Variants in FYB1 observed in about 807,000 individuals in gnomAD.
FYB1 encodes the protein FYN-binding protein 1.
A neutral mutation model predicts 94.1 loss-of-function variants in FYB1; 41 were observed. The observed-to-expected ratio is 0.44, with a 90% CI of 0.34 to 0.57. The LOEUF (loss-of-function observed/expected upper bound fraction) is 0.57. FYB1 is among the 20% of genes least tolerant of loss of function. FYB1 has a pLI of 0.02. For missense variants in FYB1, 1,050 were observed against 976.8 expected, an observed-to-expected ratio of 1.07 and a Z score of -1.00; for synonymous variants, 367 against 353.2, an observed-to-expected ratio of 1.04 and a Z score of -0.44.
rs555173792 is a variant in FYB1 at position 39,246,887 on chromosome 5, C to A, written c.-28+27516G>T. ...GAGGGTTAGAGCCTGGGCTTTGGAG[C>A]CAGGCTGCCTGGGTTTGGACTTCAA... is the stretch of plus-strand genomic sequence containing the variant. On this transcript the variant is annotated intron_variant, in intron 1 of 1. Coordinates refer to the FYB1 transcript ENST00000510188. 9.3e-4 allele frequency among the ~76,000 whole-genome samples: 141 copies of A among 151,884 alleles called. 3 individuals carry two copies. Among genetic ancestry groups the A allele is most frequent in the African/African-American group, 3.2e-3 (132 of 41,450 alleles).
chr5:39,201,624 G>A (rs1748319167), intron 2 of FYB1, among the ~76,000 whole-genome samples: 1 of 151,996 alleles, frequency 6.6e-6, no homozygotes, highest in Admixed American at 6.6e-5. Context: ...AGCTGACCAA[G>A]GCATTTTCTC....
chr5:39,129,198 T>C (rs1740955033), intron 10 of FYB1, among the ~76,000 whole-genome samples: 1 of 151,736 alleles, frequency 6.6e-6, no homozygotes, highest in Non-Finnish European at 1.5e-5. Context: ...ACCAAGAACA[T>C]ACACTGGGGA....
intron 1 of FYB1, among the ~76,000 whole-genome samples, chr5:39,243,353 A>G (rs532095713): frequency 7.3e-5 from 11 of 151,650 alleles, no homozygotes; most frequent in African/African-American, 2.4e-4. Context: ...TCAGCTTTCT[A>G]CATATGGCTA....
rs145567508 is a variant in FYB1, at chr5:39,229,461, A to G, written c.-27-26474T>C. On this transcript the variant is annotated intron_variant, in intron 1 of 1. Coordinates refer to the FYB1 transcript ENST00000510188. ...ACTCACCTGAACTGTGTCCATTTCC[A>G]GAATTAGTTGAAACTCTAAACTCCT... Among the ~76,000 whole-genome samples, 1,213 of 152,318 alleles carry G rather than the reference A, an allele frequency of 8.0e-3. 21 individuals carry two copies. The highest frequency in any genetic ancestry group is 0.028 in the African/African-American group (1,151 of 41,582).
chr5:39,170,237 TG>T, intron 2 of FYB1: 2 of 957,188 alleles, frequency 2.1e-6, no homozygotes, highest in Non-Finnish European at 1.6e-6. Context: ...ATGTTGCTGG[TG>T]GTGGTGTCTT....
chr5:39,224,492 A>C (rs530338232), upstream of FYB1, among the ~76,000 whole-genome samples: 1 of 152,134 alleles, frequency 6.6e-6, no homozygotes, highest in Non-Finnish European at 1.5e-5. Flanking sequence ...CTGCCAACAT[A>C]TATTGACTTG....
chr5:39,200,335 C>T (rs1337646496), intron 2 of FYB1, among the ~76,000 whole-genome samples: 1 of 152,170 alleles, frequency 6.6e-6, no homozygotes, highest in Non-Finnish European at 1.5e-5. Context: ...TGTGTTACCA[C>T]CATGCTCTGC....
upstream of FYB1, among the ~76,000 whole-genome samples, chr5:39,222,294 C>A (rs1051677016): frequency 6.6e-6 from 1 of 152,096 alleles, no homozygotes; most frequent in African/African-American, 2.4e-5. Flanking sequence ...TAAGGGTTGG[C>A]GGTAACTGTG....
rs545643884 is a variant in FYB1, at chr5:39,265,246, C to A, written c.-28+9157G>T. Among the ~76,000 whole-genome samples, 148 of 152,154 alleles carry A rather than the reference C, an allele frequency of 9.7e-4. 2 individuals carry two copies. Among genetic ancestry groups the A allele is most frequent in the African/African-American group, 3.4e-3 (140 of 41,496 alleles). On this transcript the variant is annotated intron_variant, in intron 1 of 1. Coordinates refer to the FYB1 transcript ENST00000510188. ...CCTGTAATCCCAGCATTCTGGGAGG[C>A]CGAGGCAGGTGGATCATGAGGTCAG... is the stretch of plus-strand genomic sequence containing the variant.
intron 2 of FYB1, among the ~76,000 whole-genome samples, chr5:39,194,519 T>A (rs1209633023): frequency 6.7e-6 from 1 of 149,976 alleles, no homozygotes; most frequent in Non-Finnish European, 1.5e-5. Context: ...CAAGACCCTG[T>A]CTCAAAAAAT....
chr5:39,212,237 G>A (rs1018033160), intron 1 of FYB1, among the ~76,000 whole-genome samples: 1 of 152,028 alleles, frequency 6.6e-6, no homozygotes, highest in Non-Finnish European at 1.5e-5. Context: ...GAGCCCGGGA[G>A]GTCAAGGCTG....
chr5:39,213,430 C>T (rs1465959211), intron 1 of FYB1, among the ~76,000 whole-genome samples: 1 of 152,116 alleles, frequency 6.6e-6, no homozygotes, highest in Non-Finnish European at 1.5e-5. Flanking sequence ...AGAAATTGAC[C>T]TCCTGTCCAA....
chr5:39,175,456 C>T (rs1004079428), intron 2 of FYB1, among the ~76,000 whole-genome samples: 2 of 152,164 alleles, frequency 1.3e-5, no homozygotes, highest in African/African-American at 4.8e-5. Flanking sequence ...TTGTAACTAG[C>T]TGGGGGCTTC....
At chr5:39,173,039 G>A (rs534923163) in intron 2 of FYB1, among the ~76,000 whole-genome samples, 157 of 152,248 alleles carry the variant, frequency 1.0e-3, no homozygotes, top group African/African-American at 3.4e-3. Context: ...ACTTTCCACC[G>A]TGGCTGAACT....
At chr5:39,169,848 A>C in intron 2 of FYB1, 1 of 537,388 alleles carries the variant, frequency 1.9e-6, no homozygotes, top group East Asian at 4.0e-5. Context: ...GGTTCACAGA[A>C]CTAACACTTG....
At chr5:39,161,559 T>A (rs1304415535) in intron 2 of FYB1, among the ~76,000 whole-genome samples, 1 of 152,008 alleles carries the variant, frequency 6.6e-6, no homozygotes, top group Non-Finnish European at 1.5e-5. Context: ...TAAAAAGATG[T>A]TATATATTGG....
chr5:39,269,885 A>T (rs1339650321), intron 1 of FYB1: 1 of 152,174 alleles, frequency 6.6e-6, no homozygotes, highest in Non-Finnish European at 1.5e-5. Flanking sequence ...TATGAACACC[A>T]CATATATTTT....
At chr5:39,149,699 A>G (rs1385221185) in intron 3 of FYB1, among the ~76,000 whole-genome samples, 1 of 151,854 alleles carries the variant, frequency 6.6e-6, no homozygotes, top group Non-Finnish European at 1.5e-5. Flanking sequence ...CACAGTCCTC[A>G]CTTTTTGGCC....
intron 1 of FYB1, among the ~76,000 whole-genome samples, chr5:39,225,086 A>G (rs1380252765): frequency 1.3e-5 from 2 of 152,142 alleles, no homozygotes; most frequent in African/African-American, 2.4e-5. Context: ...CCCACTTCGC[A>G]TCCTTTAGTC....
Sources: allele counts gnomAD v4.1 joint callset (sites outside exome capture counted in the v4.1 genomes callset), GRCh38; gene constraint gnomAD v4.1.1; transcripts MANE v1.5; gene names NCBI Gene and HGNC (gene_info 2026-07-23, HGNC 2026-07-21).